CTDNEP1: variants seen among roughly 807,000 people sequenced by gnomAD.
CTDNEP1 encodes C-terminal domain nuclear envelope phosphatase 1.
Under a neutral mutation model 30.1 loss-of-function variants are expected in CTDNEP1, and 3 were observed. The ratio of observed to expected loss-of-function variants is 0.10; its 90% CI spans 0.05 to 0.26. CTDNEP1 has a LOEUF of 0.26. Ranked by LOEUF, CTDNEP1 falls within the 10% of genes least tolerant of loss-of-function variation. The pLI, the probability that CTDNEP1 is intolerant of heterozygous loss-of-function variation, is 1.00. For missense variants in CTDNEP1, 158 were observed against 310.4 expected (o/e 0.51, Z 3.69); for synonymous variants, 123 against 118.8 (o/e 1.04, Z -0.23).
In CTDNEP1 at chr17:7,246,739, C is replaced by A; in HGVS notation, c.360+52G>T. 2 of 1,490,306 alleles carry A rather than the reference C, an allele frequency of 1.3e-6. No homozygotes were observed. Among genetic ancestry groups the A allele is most frequent in the Non-Finnish European group, 1.9e-6 (2 of 1,069,774 alleles). 92.3% of individuals were successfully genotyped at this position (1,490,306 alleles called of 1,614,324 possible). A position where few individuals can be genotyped will look rare whatever the true frequency, so the allele number is the denominator to read the frequency against. On this transcript the variant is annotated intron_variant, in intron 4 of 7. Coordinates refer to ENST00000574322, the MANE Select transcript of CTDNEP1 (RefSeq NM_001143775.2). The surrounding 1 kb of genome is among the most constrained non-coding windows in gnomAD (Gnocchi z 4.9). ...CTCCAAATCCTCCCAATTCCCAGAG[C>A]CCTAAAACCATTCCTTCATTACAGA...
intron 6 of CTDNEP1, among the ~76,000 whole-genome samples, chr17:7,245,320 C>G (rs1403012803): frequency 2.0e-5 from 3 of 150,796 alleles, no homozygotes; most frequent in African/African-American, 7.3e-5. Flanking sequence ...AAAAAATTAG[C>G]TGGGCATGGT....
chr17:7,248,123 T>C (rs1276665550), intron 1 of CTDNEP1, among the ~76,000 whole-genome samples: 2 of 150,658 alleles, frequency 1.3e-5, no homozygotes, highest in Admixed American at 1.3e-4. Flanking sequence ...TAGCTGGGCG[T>C]GGTGGTGCGT....
At chr17:7,244,960 C>T in intron 6 of CTDNEP1, 1 of 244,096 alleles carries the variant, frequency 4.1e-6, no homozygotes, top group Non-Finnish European at 8.0e-6. Context: ...GAGTTTGAGT[C>T]CAGCCTGGGC....
chr17:7,247,606 C>T (rs2071859637), intron 1 of CTDNEP1, among the ~76,000 whole-genome samples: 1 of 151,660 alleles, frequency 6.6e-6, no homozygotes, highest in South Asian at 2.1e-4. Flanking sequence ...ATAGCTGGGA[C>T]TACAGGCGTG....
intron 1 of CTDNEP1, among the ~76,000 whole-genome samples, chr17:7,250,186 A>G (rs1380137841): frequency 2.6e-5 from 4 of 151,810 alleles, no homozygotes; most frequent in African/African-American, 9.7e-5. Context: ...GGTCACCCCA[A>G]CCTGGGTTTA....
rs142077609 is a variant in CTDNEP1 at position 7,244,224 on chromosome 17, G to C, written c.696C>G (p.Ser232=). The change falls in exon 8 of 8, where the codon TCC becomes TCG. Residue 232 remains serine, a synonymous_variant. Coordinates refer to ENST00000574322, the MANE Select transcript of CTDNEP1 (RefSeq NM_001143775.2). ...GTTGGTGAAGGTTTCGGCTCAGCACGGAACGAACATCAGCGGTGAACCTGG... is the reference window on the plus strand; with the variant it reads ...GTTGGTGAAGGTTTCGGCTCAGCACCGAACGAACATCAGCGGTGAACCTGG... ...DALRFTADVR[S]VLSRNLHQHR... The C allele has an allele frequency of 2.5e-6, 4 of 1,614,098 alleles. No individual in the cohort carries two copies. Among genetic ancestry groups the C allele is most frequent in the East Asian group, 2.2e-5 (1 of 44,888 alleles).
chr17:7,250,059 G>A (rs1285059715), intron 1 of CTDNEP1, among the ~76,000 whole-genome samples: 3 of 151,830 alleles, frequency 2.0e-5, no homozygotes, highest in Non-Finnish European at 4.4e-5. Context: ...CCTAAATCAG[G>A]AAGTGGAAGC....
intron 1 of CTDNEP1, among the ~76,000 whole-genome samples, chr17:7,248,934 T>G (rs2071878810): frequency 6.6e-6 from 1 of 152,136 alleles, no homozygotes. Flanking sequence ...TCCACTTCTG[T>G]CCCTTCTAGC....
At chr17:7,244,752 G>A (rs1597572637) in intron 6 of CTDNEP1, 117 bp from the exon 7 acceptor site, 1 of 764,690 alleles carries the variant, frequency 1.3e-6, no homozygotes, top group East Asian at 2.8e-5. Flanking sequence ...ACTACCGGAA[G>A]TCAACAACCT....
chr17:7,244,865 G>T, intron 6 of CTDNEP1: 1 of 470,740 alleles, frequency 2.1e-6, no homozygotes, highest in Non-Finnish European at 3.8e-6. Context: ...TGCCTCACTT[G>T]AAACACACTT....
intron 6 of CTDNEP1, 151 bp from the exon 7 acceptor site, chr17:7,244,786 C>T: frequency 1.6e-6 from 1 of 611,154 alleles, no homozygotes; most frequent in Non-Finnish European, 2.8e-6. Context: ...CTGGTTTATG[C>T]TCCGAAACTA....
intron 1 of CTDNEP1, among the ~76,000 whole-genome samples, chr17:7,250,464 G>A (rs929675100): frequency 6.6e-6 from 1 of 152,132 alleles, no homozygotes; most frequent in Non-Finnish European, 1.5e-5. Flanking sequence ...AGAAGCAAAC[G>A]TCCTCATTTT....
At chr17:7,249,196 G>A (rs905330913) in intron 1 of CTDNEP1, among the ~76,000 whole-genome samples, 5 of 152,142 alleles carry the variant, frequency 3.3e-5, no homozygotes, top group African/African-American at 1.2e-4. Flanking sequence ...ACAAAGCCTG[G>A]CAATTCCCTC....
chr17:7,251,534 G>A lies in CTDNEP1; in HGVS notation c.-238C>T. 2.8e-6 allele frequency: 1 copy of A among 352,350 alleles called. No homozygotes were observed. Among genetic ancestry groups the A allele is most frequent in the Non-Finnish European group, 5.1e-6 (1 of 197,788 alleles). The allele number at this position is 352,350 out of a possible 1,614,324, so 21.8% of individuals were successfully genotyped here. On this transcript the variant is annotated 5_prime_UTR_variant, in exon 1 of 8. Coordinates refer to ENST00000574322, the MANE Select transcript of CTDNEP1 (RefSeq NM_001143775.2). ...CCGCGGGGGCCCACATGGGCTGGGA[G>A]TGGCACCGACGGCTTCGGGGAGGTT...
chr17:7,248,508 C>T (rs780575431), intron 1 of CTDNEP1, among the ~76,000 whole-genome samples: 1 of 150,884 alleles, frequency 6.6e-6, no homozygotes, highest in African/African-American at 2.4e-5. Context: ...TATAGGCGCG[C>T]GAACCACGCC....
chr17:7,251,524 T>C lies in CTDNEP1; in HGVS notation c.-228A>G. 1 of 289,310 alleles carries C rather than the reference T, an allele frequency of 3.5e-6. No individual in the cohort carries two copies. The highest frequency in any genetic ancestry group is 1.1e-3 in the Middle Eastern group (1 of 946). 17.9% of individuals were successfully genotyped at this position (289,310 alleles called of 1,614,324 possible). A position where few individuals can be genotyped will look rare whatever the true frequency, so the allele number is the denominator to read the frequency against. ...CGTGGGCAGCCCGCGGGGGCCCACA[T>C]GGGCTGGGAGTGGCACCGACGGCTT... is the stretch of plus-strand genomic sequence containing the variant. On this transcript the variant is annotated 5_prime_UTR_variant, in exon 1 of 8. It removes an upstream start codon present in the reference 5' UTR. Transcript: ENST00000574322.
At chr17:7,250,688 C>A (rs1018110851) in intron 1 of CTDNEP1, among the ~76,000 whole-genome samples, 3 of 152,176 alleles carry the variant, frequency 2.0e-5, no homozygotes, top group Non-Finnish European at 4.4e-5. Flanking sequence ...GAACCGCAGG[C>A]GTTTCTCCTT....
At position 7,246,548 on chromosome 17, in the gene CTDNEP1, C is replaced by T. The variant is rs1302305354; in HGVS notation, c.361-178G>A. 7 of 639,922 alleles carry T rather than the reference C, an allele frequency of 1.1e-5. No individual in the cohort carries two copies. Among genetic ancestry groups the T allele is most frequent in the Non-Finnish European group, 8.3e-6 (3 of 363,086 alleles). The allele number at this position is 639,922 out of a possible 1,614,324, so 39.6% of individuals were successfully genotyped here. A position where few individuals can be genotyped will look rare whatever the true frequency, so the allele number is the denominator to read the frequency against. On this transcript the variant is annotated intron_variant, in intron 4 of 7. Coordinates refer to ENST00000574322, the MANE Select transcript of CTDNEP1 (RefSeq NM_001143775.2). This position sits in a 1 kb window ranked among gnomAD's most constrained non-coding sequence, Gnocchi z 4.9. ...AACCTCCAAACTCAGTGTTAGGCAT[C>T]CTACACTCTTATGATTCAGAAATGC...
rs1296705445 is a variant in CTDNEP1, at chr17:7,251,661, AG to A, written c.-366del. The A allele has an allele frequency of 1.0e-5, 1 of 96,326 alleles. No homozygotes were observed. The highest frequency in any genetic ancestry group is 2.0e-5 in the Non-Finnish European group (1 of 49,334). 6.0% of individuals were successfully genotyped at this position (96,326 alleles called of 1,614,324 possible). A position where few individuals can be genotyped will look rare whatever the true frequency, so the allele number is the denominator to read the frequency against. On this transcript the variant is annotated 5_prime_UTR_variant, in exon 1 of 8. Coordinates refer to ENST00000574322, the MANE Select transcript of CTDNEP1 (RefSeq NM_001143775.2). ...GCAGTGGGGGAGGGGGCTAGGGAAA[AG>A]GGAGGAAGGGAAAAGGGAAGGGGAG...
Sources: allele counts gnomAD v4.1 joint callset (sites outside exome capture counted in the v4.1 genomes callset), GRCh38; gene constraint gnomAD v4.1.1; non-coding constraint Gnocchi (gnomAD v3.1); transcripts MANE v1.5; gene names NCBI Gene and HGNC (gene_info 2026-07-23, HGNC 2026-07-21).